Variants in RBFOX2 observed in about 807,000 individuals in gnomAD.
The protein encoded by RBFOX2 is RNA binding protein fox-1 homolog 2.
Under a neutral mutation model 49.1 loss-of-function variants are expected in RBFOX2, and 10 were observed. The observed-to-expected ratio is 0.20, with a 90% CI of 0.13 to 0.35. RBFOX2 has a LOEUF of 0.35. Among genes scored for constraint, RBFOX2 ranks in the 10% least tolerant of loss-of-function variants. The pLI is 1.00. For missense variants in RBFOX2, 323 were observed against 486.9 expected (o/e 0.66, Z 3.17); for synonymous variants, 183 against 187.4 (o/e 0.98, Z 0.19).
intron 1 of RBFOX2, among the ~76,000 whole-genome samples, chr22:35,854,112 T>C (rs1255793693): frequency 6.6e-6 from 1 of 152,028 alleles, no homozygotes; most frequent in Non-Finnish European, 1.5e-5. Flanking sequence ...CCTAGGAGGC[T>C]GAAGCTGGAG....
intron 9 of RBFOX2, chr22:35,746,972 TG>T (rs1932962478): frequency 6.5e-6 from 1 of 154,888 alleles, no homozygotes. Context: ...AATCTGTATG[TG>T]TTGACTTCAG....
intron 1 of RBFOX2, among the ~76,000 whole-genome samples, chr22:35,810,553 CA>C: frequency 6.6e-6 from 1 of 152,098 alleles, no homozygotes; most frequent in Non-Finnish European, 1.5e-5. Flanking sequence ...GAAAAACAGG[CA>C]AACTGTGTAT....
At chr22:35,809,390 T>C (rs1367138449) in intron 2 of RBFOX2, among the ~76,000 whole-genome samples, 2 of 152,128 alleles carry the variant, frequency 1.3e-5, no homozygotes, top group Admixed American at 1.3e-4. Flanking sequence ...CAATTAGATG[T>C]ACAGATGAAA....
intron 2 of RBFOX2, among the ~76,000 whole-genome samples, chr22:35,791,840 C>T (rs1947732951): frequency 6.6e-6 from 1 of 152,132 alleles, no homozygotes; most frequent in Admixed American, 6.5e-5. Context: ...TAAATGAATA[C>T]TTTCCATAGA....
chr22:35,791,392 A>C (rs1009400440), intron 2 of RBFOX2, among the ~76,000 whole-genome samples: 5 of 151,464 alleles, frequency 3.3e-5, no homozygotes, highest in African/African-American at 1.2e-4. Flanking sequence ...TCTCAAAAAA[A>C]AAAAAAAGAA....
intron 1 of RBFOX2, among the ~76,000 whole-genome samples, chr22:35,837,984 A>G (rs1957994078): frequency 1.3e-5 from 2 of 152,232 alleles, no homozygotes; most frequent in African/African-American, 4.8e-5. Context: ...CTAAGGGGAA[A>G]TGTTCCAAGA....
chr22:35,771,941 G>T (rs1017674244), intron 4 of RBFOX2, among the ~76,000 whole-genome samples: 1 of 151,988 alleles, frequency 6.6e-6, no homozygotes, highest in Admixed American at 6.6e-5. Flanking sequence ...ACATTAAGTT[G>T]GTCATTCTGA....
At chr22:35,902,555 C>T (rs927078334) in intron 1 of RBFOX2, among the ~76,000 whole-genome samples, 4 of 152,106 alleles carry the variant, frequency 2.6e-5, no homozygotes, top group African/African-American at 9.7e-5. Context: ...GAAAGCTTTC[C>T]TACTCCCCAA....
In RBFOX2 at chr22:35,812,316, T is replaced by C. The variant is rs564904582; in HGVS notation, c.28-2312A>G. Among the ~76,000 whole-genome samples, 18 of 152,176 alleles carry C rather than the reference T, an allele frequency of 1.2e-4. No individual in the cohort carries two copies. In the South Asian group the frequency reaches 2.5e-3, roughly 21 times the overall value. On this transcript the variant is annotated intron_variant, in intron 1 of 11. Coordinates refer to ENST00000405409, the Ensembl canonical transcript of RBFOX2. ...CTCTCTTTAGTTCTTAGAAAATATG[T>C]TATGAAAACTTTAAATTTTTTTGGA...
At chr22:36,007,168 T>C (rs1206483737) in intron 1 of RBFOX2, among the ~76,000 whole-genome samples, 1 of 152,214 alleles carries the variant, frequency 6.6e-6, no homozygotes, top group Non-Finnish European at 1.5e-5. Flanking sequence ...ATTTCTAATG[T>C]ACTTTCCATT....
At chr22:35,755,838 G>C (rs1389131238) in intron 9 of RBFOX2, among the ~76,000 whole-genome samples, 2 of 152,018 alleles carry the variant, frequency 1.3e-5, no homozygotes, top group Non-Finnish European at 2.9e-5. Context: ...ATAGGGAAGG[G>C]AAAAGAATAT....
intron 3 of RBFOX2, 146 bp from the exon 5 acceptor site, chr22:35,778,224 A>G (rs1290983480): frequency 1.4e-6 from 1 of 693,216 alleles, no homozygotes; most frequent in Non-Finnish European, 2.4e-6. Context: ...GTAAGTTCCA[A>G]TACCAGTTTC....
chr22:35,979,990 C>T (rs536550574), intron 1 of RBFOX2, among the ~76,000 whole-genome samples: 40 of 152,254 alleles, frequency 2.6e-4, no homozygotes, highest in African/African-American at 8.4e-4. Context: ...TCCCTGCCCT[C>T]AAGGAATTCA....
chr22:35,901,832 A>G (rs1287262231), intron 1 of RBFOX2, among the ~76,000 whole-genome samples: 1 of 152,038 alleles, frequency 6.6e-6, no homozygotes, highest in African/African-American at 2.4e-5. Context: ...CTATAATCCC[A>G]GCAATTTGGG....
chr22:35,903,366 GT>G (rs2048796801), intron 1 of RBFOX2, among the ~76,000 whole-genome samples: 1 of 151,396 alleles, frequency 6.6e-6, no homozygotes, highest in Admixed American at 6.6e-5. Flanking sequence ...CATTTTTTTT[GT>G]TTTTTCATGC....
intron 1 of RBFOX2, among the ~76,000 whole-genome samples, chr22:35,870,055 A>G (rs2044171034): frequency 6.6e-6 from 1 of 152,194 alleles, no homozygotes; most frequent in South Asian, 2.1e-4. Context: ...AAACATACAG[A>G]ATGTAAATAT....
upstream of RBFOX2, among the ~76,000 whole-genome samples, chr22:35,940,588 T>A (rs189555256): frequency 6.6e-6 from 1 of 152,276 alleles, no homozygotes; most frequent in East Asian, 1.9e-4. Flanking sequence ...CACCTGGGTA[T>A]GTAACTAAGA....
chr22:35,763,488 G>T (rs1439431504), intron 6 of RBFOX2, among the ~76,000 whole-genome samples: 2 of 152,202 alleles, frequency 1.3e-5, no homozygotes, highest in African/African-American at 4.8e-5. Context: ...CTTGAACCCG[G>T]GAAGTGGAGG....
intron 2 of RBFOX2, among the ~76,000 whole-genome samples, chr22:35,806,377 G>T (rs554366898): frequency 1.3e-5 from 2 of 151,870 alleles, no homozygotes; most frequent in Non-Finnish European, 2.9e-5. Flanking sequence ...AAAATATACA[G>T]GTATAATATG....
Sources: gnomAD v4.1 joint callset for allele counts (sites outside exome capture counted in the v4.1 genomes callset) on GRCh38, gnomAD v4.1.1 for gene constraint, MANE v1.5 for transcripts, NCBI Gene and HGNC (gene_info 2026-07-23, HGNC 2026-07-21) for gene names.